The following SMOC2 variants were observed in gnomAD, a reference collection of about 807,000 sequenced individuals.
SMOC2 encodes SPARC related modular calcium binding 2, also known as SPARC-related modular calcium-binding protein 2.
A neutral mutation model predicts 61.4 loss-of-function variants in SMOC2; 39 were observed. That is an observed-to-expected ratio of 0.64 (90% CI 0.49 to 0.83). The LOEUF (loss-of-function observed/expected upper bound fraction) is 0.83. SMOC2 is among the 40% of genes least tolerant of loss of function. SMOC2 has a pLI of 0.00. For missense variants in SMOC2, 556 were observed against 592.9 expected (o/e 0.94, Z 0.65); for synonymous variants, 247 against 239.9 (o/e 1.03, Z -0.27).
intron 7 of SMOC2, among the ~76,000 whole-genome samples, chr6:168,567,999 C>T (rs947980188): frequency 2.0e-5 from 3 of 150,376 alleles, no homozygotes; most frequent in Middle Eastern, 3.2e-3. Flanking sequence ...TGGTGTGAGT[C>T]GGTGTCTCAT....
At chr6:168,617,915 G>A (rs1471267943) in intron 9 of SMOC2, among the ~76,000 whole-genome samples, 1 of 152,238 alleles carries the variant, frequency 6.6e-6, no homozygotes, top group African/African-American at 2.4e-5. Flanking sequence ...GCCTCGCTGA[G>A]GGGCCATGCC....
intron 4 of SMOC2, among the ~76,000 whole-genome samples, chr6:168,536,037 G>T (rs1783725161): frequency 6.6e-6 from 1 of 152,248 alleles, no homozygotes; most frequent in African/African-American, 2.4e-5. Flanking sequence ...CACTCGGAGG[G>T]CCTGATGGGC....
intron 7 of SMOC2, among the ~76,000 whole-genome samples, chr6:168,562,791 G>C (rs1375539613): frequency 2.0e-5 from 3 of 152,332 alleles, no homozygotes; most frequent in African/African-American, 4.8e-5. Flanking sequence ...CCCCGGGAGA[G>C]CGTTGCCCGT....
chr6:168,602,613 C>T (rs1006757474), intron 8 of SMOC2, among the ~76,000 whole-genome samples: 2 of 152,158 alleles, frequency 1.3e-5, no homozygotes, highest in African/African-American at 4.8e-5. Context: ...TAGGATTAGC[C>T]CCTTGGCACC....
chr6:168,575,552 G>C (rs149757382), intron 7 of SMOC2, among the ~76,000 whole-genome samples: 18 of 152,120 alleles, frequency 1.2e-4, no homozygotes, highest in Admixed American at 7.9e-4. Context: ...GGAGCTCCTC[G>C]CAGGGGGTGG....
In SMOC2 at chr6:168,510,094, G is replaced by A; in HGVS notation, c.256+8G>A. ...ATCGAGGAAACTGCAAAGGTAAGCT[G>A]CTGTTTGATCATTCATCCAAAGATG... On this transcript the variant is annotated splice_region_variant and intron_variant, in intron 2 of 12. Transcript: ENST00000356284. 1 of 1,611,508 alleles carries A rather than the reference G, an allele frequency of 6.2e-7. No individual in the cohort carries two copies. The highest frequency in any genetic ancestry group is 8.5e-7 in the Non-Finnish European group (1 of 1,177,738).
At chr6:168,508,632 CTT>C (rs981629647) in intron 1 of SMOC2, among the ~76,000 whole-genome samples, 3 of 152,224 alleles carry the variant, frequency 2.0e-5, no homozygotes, top group African/African-American at 7.2e-5. Context: ...TTTTTCCTCT[CTT>C]ACTGGTAAAG....
At chr6:168,560,234 C>T (rs1046620868) in intron 7 of SMOC2, among the ~76,000 whole-genome samples, 2 of 152,106 alleles carry the variant, frequency 1.3e-5, no homozygotes, top group African/African-American at 4.8e-5. Flanking sequence ...CTGCTTTTGC[C>T]TGAAAGTCAC....
At chr6:168,609,295 G>A (rs964834009) in intron 9 of SMOC2, among the ~76,000 whole-genome samples, 9 of 152,138 alleles carry the variant, frequency 5.9e-5, no homozygotes, top group East Asian at 1.9e-4. Context: ...TTTCCCAGCC[G>A]TGTACCTCCT....
intron 9 of SMOC2, among the ~76,000 whole-genome samples, chr6:168,633,650 G>A (rs1433093829): frequency 6.6e-6 from 1 of 152,222 alleles, no homozygotes; most frequent in Non-Finnish European, 1.5e-5. Flanking sequence ...CTCCTTGCAG[G>A]AGACACAGAA....
intron 1 of SMOC2, among the ~76,000 whole-genome samples, chr6:168,491,401 AAGG>A (rs1782468735): frequency 6.6e-6 from 1 of 152,198 alleles, no homozygotes; most frequent in Non-Finnish European, 1.5e-5. Context: ...AGAATTAGGA[AAGG>A]AGGTCTCCAA....
Position 168,598,996 on chromosome 6 carries a change from A to T in SMOC2, c.816A>T (p.Thr272=). 2 of 1,602,228 alleles carry T rather than the reference A, an allele frequency of 1.2e-6. No homozygotes were observed. Among genetic ancestry groups the T allele is most frequent in the Non-Finnish European group, 1.7e-6 (2 of 1,174,166 alleles). Reference sequence around the variant, plus strand: ...ACACGGGGCGCCCCATTCCCGGCACATCCACAAGGTAAATAGGGTGCACCC... The same window carrying T: ...ACACGGGGCGCCCCATTCCCGGCACTTCCACAAGGTAAATAGGGTGCACCC... ...LVDTGRPIPG[T]STRYEQPKCD... is the part of the protein sequence containing the mutation. The change falls in exon 8 of 13, where the codon ACA becomes ACT. Residue 272 remains threonine (T), a synonymous_variant. Coordinates refer to ENST00000356284, the MANE Select transcript of SMOC2 (RefSeq NM_001166412.2).
At chr6:168,504,796 G>A (rs1393500298) in intron 1 of SMOC2, among the ~76,000 whole-genome samples, 1 of 152,168 alleles carries the variant, frequency 6.6e-6, no homozygotes, top group Non-Finnish European at 1.5e-5. Context: ...CATCCTCCTG[G>A]AGGCTGGTAG....
At chr6:168,640,646 A>G (rs1786872289) in intron 9 of SMOC2, among the ~76,000 whole-genome samples, 2 of 152,226 alleles carry the variant, frequency 1.3e-5, no homozygotes, top group Admixed American at 6.5e-5. Context: ...TTAACAATAC[A>G]TGAATTTTTA....
chr6:168,614,391 AGCCAGCACAGGGCC>A (rs1785991005), intron 9 of SMOC2, among the ~76,000 whole-genome samples: 1 of 98,204 alleles, frequency 1.0e-5, no homozygotes, highest in Non-Finnish European at 2.0e-5. Context: ...TCATACCTAC[AGCCAGCACAGGGCC>A]TCTTTATACC....
rs986406131 is a variant in SMOC2 at position 168,653,340 on chromosome 6, A to T, written c.1285+112A>T. On this transcript the variant is annotated intron_variant, in intron 11 of 12. Transcript: ENST00000356284. Reference sequence around the variant, plus strand: ...GTGTTTATGGCCTGGGAGTGCAAAAAATCAAATATGCTGTTTAATTGTTGG... The same window carrying T: ...GTGTTTATGGCCTGGGAGTGCAAAATATCAAATATGCTGTTTAATTGTTGG... The T allele has an allele frequency of 8.6e-6, 11 of 1,274,660 alleles. No individual in the cohort carries two copies. The African/African-American group carries it at 1.2e-4, about 14-fold the overall frequency. 79.0% of individuals were successfully genotyped at this position (1,274,660 alleles called of 1,614,324 possible).
intron 4 of SMOC2, among the ~76,000 whole-genome samples, chr6:168,543,403 C>T (rs1160104238): frequency 2.0e-5 from 3 of 152,150 alleles, no homozygotes; most frequent in African/African-American, 4.8e-5. Context: ...AACCCCTTAG[C>T]GCCAGAAGCA....
intron 1 of SMOC2, among the ~76,000 whole-genome samples, chr6:168,508,810 C>T (rs1479091600): frequency 2.6e-5 from 4 of 152,224 alleles, no homozygotes; most frequent in Non-Finnish European, 4.4e-5. Context: ...TCCAGAGGGC[C>T]ACGTACTACC....
intron 9 of SMOC2, among the ~76,000 whole-genome samples, chr6:168,633,412 C>T (rs1311944722): frequency 6.6e-6 from 1 of 152,130 alleles, no homozygotes; most frequent in East Asian, 1.9e-4. Flanking sequence ...AGTAAGTGCT[C>T]CCTGCACATG....
Sources: gnomAD v4.1 joint callset for allele counts (sites outside exome capture counted in the v4.1 genomes callset) on GRCh38, gnomAD v4.1.1 for gene constraint, MANE v1.5 for transcripts, NCBI Gene and HGNC (gene_info 2026-07-23, HGNC 2026-07-21) for gene names.